Variants in ZMYM5 observed in about 807,000 individuals in gnomAD.
The protein encoded by ZMYM5 is zinc finger MYM-type containing 5.
ZMYM5 carries 41 observed loss-of-function variants against 61.8 expected under a neutral mutation model. The observed-to-expected ratio is 0.66, with a 90% CI of 0.52 to 0.86. The LOEUF is 0.86. ZMYM5 is among the 40% of genes least tolerant of loss of function. The pLI is 0.00. For synonymous variants in ZMYM5, 257 were observed against 276.4 expected (o/e 0.93, Z 0.70); for missense variants, 706 against 786.7 (o/e 0.90, Z 1.23).
chr13:19,847,510 TAAAG>T (rs1953116193), intron 4 of ZMYM5, among the ~76,000 whole-genome samples: 1 of 152,208 alleles, frequency 6.6e-6, no homozygotes, highest in Non-Finnish European at 1.5e-5. Context: ...AGCCAGATTT[TAAAG>T]AGATTTGCAA....
At chr13:19,860,983 G>A (rs1228733454) in intron 2 of ZMYM5, among the ~76,000 whole-genome samples, 1 of 149,332 alleles carries the variant, frequency 6.7e-6, no homozygotes, top group Non-Finnish European at 1.5e-5. Flanking sequence ...TATGGACCAG[G>A]CTTTTTTTTT....
intron 1 of ZMYM5, among the ~76,000 whole-genome samples, chr13:19,863,046 C>T (rs1359122792): frequency 6.6e-6 from 1 of 152,236 alleles, no homozygotes; most frequent in Non-Finnish European, 1.5e-5. Flanking sequence ...AACCTGGGGA[C>T]CTCGGCTCCG....
intron 4 of ZMYM5, among the ~76,000 whole-genome samples, chr13:19,842,853 G>C (rs1456244206): frequency 2.0e-5 from 3 of 149,746 alleles, no homozygotes; most frequent in African/African-American, 7.4e-5. Flanking sequence ...CCAGCTACTC[G>C]GGAGGCTGAG....
chr13:19,850,461 T>C (rs961627566), intron 4 of ZMYM5, among the ~76,000 whole-genome samples: 1 of 151,896 alleles, frequency 6.6e-6, no homozygotes, highest in Non-Finnish European at 1.5e-5. Flanking sequence ...TAGCCAGGCA[T>C]GGAGACGGGC....
At position 19,825,240 on chromosome 13, in the gene ZMYM5, G is replaced by A; in HGVS notation, c.1252-5C>T. On this transcript the variant is annotated splice_polypyrimidine_tract_variant and splice_region_variant and intron_variant, in intron 7 of 7. Coordinates refer to ENST00000337963, the MANE Select transcript of ZMYM5 (RefSeq NM_001142684.2). ...TTTTGATTTTGTTTCCATCATCTGA[G>A]GACAAAGAGGATTATAATTTTATTT... The A allele has an allele frequency of 8.1e-7, 1 of 1,241,650 alleles. No homozygotes were observed. Among genetic ancestry groups the A allele is most frequent in the Non-Finnish European group, 1.0e-6 (1 of 967,464 alleles). 76.9% of individuals were successfully genotyped at this position (1,241,650 alleles called of 1,614,324 possible).
chr13:19,830,195 C>T (rs1168690094), intron 7 of ZMYM5, among the ~76,000 whole-genome samples: 1 of 152,116 alleles, frequency 6.6e-6, no homozygotes, highest in African/African-American at 2.4e-5. Context: ...GTATGTTATT[C>T]AGCAATAAGC....
intron 2 of ZMYM5, among the ~76,000 whole-genome samples, chr13:19,854,279 A>T (rs1165405281): frequency 6.6e-6 from 1 of 152,148 alleles, no homozygotes; most frequent in African/African-American, 2.4e-5. Flanking sequence ...AAGTGCTGGG[A>T]TAAGAGGTGT....
chr13:19,827,540 C>T (rs776619714), intron 7 of ZMYM5, among the ~76,000 whole-genome samples: 4 of 152,148 alleles, frequency 2.6e-5, no homozygotes, highest in Non-Finnish European at 5.9e-5. Flanking sequence ...TAGATTAACA[C>T]TGTAAATTCA....
chr13:19,839,852 T>C (rs991820718), intron 4 of ZMYM5, among the ~76,000 whole-genome samples: 4 of 152,228 alleles, frequency 2.6e-5, no homozygotes, highest in African/African-American at 9.6e-5. Context: ...CAGGCATTAA[T>C]ATAGATTGTG....
At chr13:19,850,368 G>A (rs970277926) in intron 4 of ZMYM5, among the ~76,000 whole-genome samples, 4 of 152,278 alleles carry the variant, frequency 2.6e-5, no homozygotes, top group South Asian at 2.1e-4. Context: ...GGGAGGCTGA[G>A]GTGGGCAGAT....
intron 7 of ZMYM5, among the ~76,000 whole-genome samples, chr13:19,827,411 G>A (rs899158937): frequency 3.3e-5 from 5 of 152,196 alleles, no homozygotes; most frequent in Admixed American, 2.6e-4. Context: ...TTTAAAGTGA[G>A]AACTAAGCAT....
At chr13:19,856,826 G>T (rs1418713490) in intron 2 of ZMYM5, among the ~76,000 whole-genome samples, 1 of 151,706 alleles carries the variant, frequency 6.6e-6, no homozygotes, top group Non-Finnish European at 1.5e-5. Flanking sequence ...AAACAAAAAG[G>T]CCGGGCGCAG....
At chr13:19,856,724 C>T (rs1015875715) in intron 2 of ZMYM5, among the ~76,000 whole-genome samples, 6 of 152,028 alleles carry the variant, frequency 3.9e-5, no homozygotes, top group Non-Finnish European at 8.8e-5. Flanking sequence ...GCAAGAGAAT[C>T]GCTTGAACCC....
In ZMYM5 at chr13:19,837,642, AT is replaced by A. The variant is rs1157096496; in HGVS notation, c.1038+13del. 1 of 1,596,544 alleles carries A rather than the reference AT, an allele frequency of 6.3e-7. No individual in the cohort carries two copies. Among genetic ancestry groups the A allele is most frequent in the African/African-American group, 1.4e-5 (1 of 73,562 alleles). ...TGTTAGCCTAAACAACAACTTAGGT[AT>A]AAAAATCCAGACCTCTGCTAATTTA... On this transcript the variant is annotated intron_variant, in intron 6 of 7. Coordinates refer to ENST00000337963, the MANE Select transcript of ZMYM5 (RefSeq NM_001142684.2).
intron 2 of ZMYM5, among the ~76,000 whole-genome samples, chr13:19,860,893 G>A (rs916824054): frequency 6.6e-6 from 1 of 151,226 alleles, no homozygotes; most frequent in Non-Finnish European, 1.5e-5. Context: ...GTGGGGGGGG[G>A]GGAATTGTAT....
intron 4 of ZMYM5, among the ~76,000 whole-genome samples, chr13:19,850,110 C>A (rs1021463871): frequency 6.6e-6 from 1 of 152,036 alleles, no homozygotes; most frequent in Non-Finnish European, 1.5e-5. Context: ...AAAAACAATA[C>A]CAACTCTCCC....
intron 7 of ZMYM5, among the ~76,000 whole-genome samples, chr13:19,830,279 T>C (rs1056013658): frequency 6.6e-6 from 1 of 152,194 alleles, no homozygotes; most frequent in African/African-American, 2.4e-5. Flanking sequence ...CACTTGAAAA[T>C]ACTCATGTGT....
chr13:19,826,732 C>T (rs1300106795), intron 7 of ZMYM5, among the ~76,000 whole-genome samples: 3 of 145,542 alleles, frequency 2.1e-5, no homozygotes, highest in Non-Finnish European at 4.5e-5. Flanking sequence ...CCAGCCTGGG[C>T]GACAGGAGGG....
intron 4 of ZMYM5, among the ~76,000 whole-genome samples, chr13:19,844,486 A>G (rs1240066356): frequency 1.1e-4 from 16 of 152,216 alleles, no homozygotes; most frequent in Non-Finnish European, 2.2e-4. Context: ...ACAGATGTGA[A>G]TTTGAGAAAA....
Sources: allele counts gnomAD v4.1 joint callset (sites outside exome capture counted in the v4.1 genomes callset), GRCh38; gene constraint gnomAD v4.1.1; transcripts MANE v1.5; gene names NCBI Gene and HGNC (gene_info 2026-07-23, HGNC 2026-07-21).